ASTN2: variants seen among roughly 807,000 people sequenced by gnomAD.
The protein encoded by ASTN2 is astrotactin-2.
Under a neutral mutation model 139.8 loss-of-function variants are expected in ASTN2, and 54 were observed. The observed-to-expected ratio is 0.39, with a 90% CI of 0.31 to 0.48. The LOEUF (loss-of-function observed/expected upper bound fraction) is 0.48, where lower values mean the gene tolerates loss of function less well. Ranked by LOEUF, ASTN2 falls within the 20% of genes least tolerant of loss-of-function variation. The probability of loss-of-function intolerance (pLI) is 0.95; values close to 1 mark genes in which losing one functional copy is unlikely to be tolerated. For synonymous variants in ASTN2, 756 were observed against 719.5 expected, an observed-to-expected ratio of 1.05 and a Z score of -0.81; for missense variants, 1,565 against 1,725.1, an observed-to-expected ratio of 0.91 and a Z score of 1.64.
At chr9:117,029,419 G>A (rs558003269) in intron 6 of ASTN2, among the ~76,000 whole-genome samples, 1 of 152,216 alleles carries the variant, frequency 6.6e-6, no homozygotes, top group South Asian at 2.1e-4. Flanking sequence ...GCTCTAAGAT[G>A]TAGCTCAAGT....
chr9:116,701,884 T>C (rs1484847038), intron 16 of ASTN2, among the ~76,000 whole-genome samples: 1 of 151,592 alleles, frequency 6.6e-6, no homozygotes, highest in Non-Finnish European at 1.5e-5. Context: ...TTTTGGGTTT[T>C]TTTTTTTTTT....
intron 17 of ASTN2, among the ~76,000 whole-genome samples, chr9:116,641,124 G>T (rs1279325155): frequency 3.3e-5 from 5 of 152,274 alleles, no homozygotes; most frequent in African/African-American, 1.2e-4. Context: ...AGAAGTTACT[G>T]TACTTTTATT....
At chr9:116,715,215 A>C (rs1048738928) in intron 16 of ASTN2, among the ~76,000 whole-genome samples, 1 of 151,714 alleles carries the variant, frequency 6.6e-6, no homozygotes, top group Non-Finnish European at 1.5e-5. Context: ...TTGGAGATTC[A>C]GTCTTTTCTA....
At chr9:116,896,486 T>A (rs1833881912) in intron 10 of ASTN2, among the ~76,000 whole-genome samples, 2 of 151,972 alleles carry the variant, frequency 1.3e-5, no homozygotes, top group South Asian at 4.2e-4. Context: ...CCTGGCTAAT[T>A]TTATGTGTTT....
intron 3 of ASTN2, among the ~76,000 whole-genome samples, chr9:117,184,534 C>T (rs1831150469): frequency 6.6e-6 from 1 of 152,180 alleles, no homozygotes; most frequent in South Asian, 2.1e-4. Context: ...GGACTGGAGA[C>T]TGGCCTCAGC....
intron 11 of ASTN2, among the ~76,000 whole-genome samples, chr9:116,858,398 A>G (rs1345188831): frequency 6.6e-6 from 1 of 152,208 alleles, no homozygotes; most frequent in African/African-American, 2.4e-5. Context: ...CTGTGCTGGG[A>G]AAACCAGAAA....
intron 18 of ASTN2, 109 bp downstream of exon 18, chr9:116,620,201 C>G: frequency 6.6e-6 from 10 of 1,504,944 alleles, no homozygotes; most frequent in Middle Eastern, 2.1e-4. Flanking sequence ...CTTTGAGGAT[C>G]TTGTTAGGCA....
chr9:116,437,044 C>T (rs1476000973), intron 22 of ASTN2, among the ~76,000 whole-genome samples: 2 of 124,586 alleles, frequency 1.6e-5, no homozygotes, highest in African/African-American at 6.2e-5. Flanking sequence ...GAACATCACA[C>T]TCTGGGGACT....
chr9:116,574,371 T>G (rs1347085649), intron 19 of ASTN2, among the ~76,000 whole-genome samples: 1 of 152,200 alleles, frequency 6.6e-6, no homozygotes, highest in Non-Finnish European at 1.5e-5. Context: ...TTTTAAAAGA[T>G]AGTGAGCAGT....
At chr9:116,534,117 C>A (rs1587953761) in intron 19 of ASTN2, among the ~76,000 whole-genome samples, 1 of 152,116 alleles carries the variant, frequency 6.6e-6, no homozygotes, top group Non-Finnish European at 1.5e-5. Context: ...GGAATTTATC[C>A]ATTTTTTCTA....
chr9:116,988,015 G>A (rs1287899044), intron 7 of ASTN2, among the ~76,000 whole-genome samples: 1 of 152,184 alleles, frequency 6.6e-6, no homozygotes, highest in Non-Finnish European at 1.5e-5. Flanking sequence ...CAATTTAAAA[G>A]TTATAAATTG....
In ASTN2 at chr9:117,414,753, C is replaced by T. The variant is rs1037682779; in HGVS notation, c.186G>A (p.Pro62=). Residue 62 remains proline, a synonymous_variant, in exon 1 of 23, where the codon CCG becomes CCA. Transcript: ENST00000313400. The surrounding 1 kb of genome is among the most constrained non-coding windows in gnomAD (Gnocchi z 4.2). The part of the protein sequence containing the change: ...TAAASREPDS[P]CRLKTVTVST... ...ACACCGTGACGGTCTTCAGCCGGCA[C>T]GGGCTGTCGGGCTCCCGCGAGGCAG... 4.7e-6 allele frequency: 6 copies of T among 1,266,286 alleles called. No homozygotes were observed. The highest frequency in any genetic ancestry group is 3.9e-5 in the Admixed American group (1 of 25,688). 78.4% of individuals were successfully genotyped at this position (1,266,286 alleles called of 1,614,324 possible).
chr9:116,432,688 G>C (rs1269200344), intron 22 of ASTN2, among the ~76,000 whole-genome samples: 1 of 152,168 alleles, frequency 6.6e-6, no homozygotes, highest in East Asian at 1.9e-4. Flanking sequence ...CCAGCACTTT[G>C]GGAGGCTAAG....
chr9:116,956,584 G>GA (rs1268435056), intron 10 of ASTN2, among the ~76,000 whole-genome samples: 2 of 151,408 alleles, frequency 1.3e-5, no homozygotes, highest in Non-Finnish European at 2.9e-5. Context: ...AATTAGGCAA[G>GA]AAAAATAAAC....
In ASTN2 at chr9:116,698,818, A is replaced by C; in HGVS notation, c.2806+26953T>G. 6.2e-7 allele frequency: 1 copy of C among 1,614,200 alleles called. No individual in the cohort carries two copies. The highest frequency in any genetic ancestry group is 8.5e-7 in the Non-Finnish European group (1 of 1,180,040). On this transcript the variant is annotated intron_variant, in intron 16 of 22. Coordinates refer to ENST00000313400, the MANE Select transcript of ASTN2 (RefSeq NM_001365068.1). This position sits in a 1 kb window ranked among gnomAD's most constrained non-coding sequence, Gnocchi z 4.4. ...AATATCCAGCAGTGCCTCTTTCTCA[A>C]GAAGATGGGGGCCAAAGGCAGCACT...
intron 13 of ASTN2, among the ~76,000 whole-genome samples, chr9:116,741,237 T>C (rs1330649063): frequency 6.6e-6 from 1 of 152,090 alleles, no homozygotes; most frequent in East Asian, 1.9e-4. Context: ...CTAGGGAAAT[T>C]AGCATTTAAA....
intron 16 of ASTN2, among the ~76,000 whole-genome samples, chr9:116,669,809 ATT>A (rs34822441): frequency 0.038 from 5,430 of 144,148 alleles, 448 homozygotes; most frequent in South Asian, 0.29. Flanking sequence ...TATGTATTGT[ATT>A]TTTTTTTTTT....
intron 2 of ASTN2, among the ~76,000 whole-genome samples, chr9:117,257,740 T>C (rs1405125668): frequency 6.6e-6 from 1 of 152,146 alleles, no homozygotes; most frequent in Admixed American, 6.5e-5. Context: ...CCTCTCTCCA[T>C]TCCCACAACA....
intron 10 of ASTN2, among the ~76,000 whole-genome samples, chr9:116,961,773 G>A (rs964004661): frequency 1.3e-5 from 2 of 152,192 alleles, no homozygotes; most frequent in Non-Finnish European, 2.9e-5. Context: ...GAAAACAAGA[G>A]TCACAATAAT....
Sources: gnomAD v4.1 joint callset for allele counts (sites outside exome capture counted in the v4.1 genomes callset) on GRCh38, gnomAD v4.1.1 for gene constraint, Gnocchi (gnomAD v3.1) non-coding constraint, MANE v1.5 for transcripts, NCBI Gene and HGNC (gene_info 2026-07-23, HGNC 2026-07-21) for gene names.